The following GYS2 variants were observed in gnomAD, a reference collection of about 807,000 sequenced individuals.
GYS2 encodes the protein glycogen [starch] synthase, liver.
In GYS2, 80 loss-of-function variants were observed where a neutral mutation model predicts 85.6. The observed-to-expected ratio is 0.93, with a 90% CI of 0.78 to 1.13. The LOEUF (loss-of-function observed/expected upper bound fraction) is 1.13. Among genes scored for constraint, GYS2 ranks in the 50% most tolerant of loss-of-function variants. The pLI is 0.00. For missense variants in GYS2, 881 were observed against 854.9 expected (o/e 1.03, Z -0.38); for synonymous variants, 328 against 300.7 (o/e 1.09, Z -0.94).
chr12:21,533,103 A>G (rs1304992785), downstream of GYS2, among the ~76,000 whole-genome samples: 2 of 152,212 alleles, frequency 1.3e-5, no homozygotes, highest in African/African-American at 4.8e-5. Context: ...CAACACACAG[A>G]TACATGCACT....
At chr12:21,580,737 T>A (rs1038174124) in intron 1 of GYS2, among the ~76,000 whole-genome samples, 4 of 152,178 alleles carry the variant, frequency 2.6e-5, no homozygotes, top group African/African-American at 9.7e-5. Flanking sequence ...TGTTTTAAAG[T>A]CCCTTCTAGG....
chr12:21,590,260 C>T (rs574037586), intron 1 of GYS2, among the ~76,000 whole-genome samples: 5 of 152,192 alleles, frequency 3.3e-5, no homozygotes, highest in Admixed American at 1.3e-4. Flanking sequence ...CTATGATAGC[C>T]GGTGTCCACA....
intron 7 of GYS2, among the ~76,000 whole-genome samples, chr12:21,562,162 A>G (rs1169526773): frequency 1.3e-5 from 2 of 151,224 alleles, no homozygotes; most frequent in Non-Finnish European, 2.9e-5. Context: ...CTTCCTGAGT[A>G]AAAAAAATGA....
chr12:21,583,486 C>T (rs1350490602), intron 1 of GYS2, among the ~76,000 whole-genome samples: 1 of 152,158 alleles, frequency 6.6e-6, no homozygotes, highest in African/African-American at 2.4e-5. Context: ...AAGGCTCTGC[C>T]ACAGGTCCAG....
At chr12:21,596,423 A>G (rs1944697615) in intron 1 of GYS2, among the ~76,000 whole-genome samples, 1 of 152,092 alleles carries the variant, frequency 6.6e-6, no homozygotes. Flanking sequence ...GTTCCATGCC[A>G]GGGATGCAGG....
intron 1 of GYS2, among the ~76,000 whole-genome samples, chr12:21,595,839 T>G (rs997375349): frequency 3.3e-5 from 5 of 151,998 alleles, no homozygotes; most frequent in African/African-American, 1.2e-4. Context: ...AGCAACACAA[T>G]AATAGTGGGG....
At chr12:21,584,128 G>A (rs1278022395) in intron 1 of GYS2, among the ~76,000 whole-genome samples, 1 of 152,184 alleles carries the variant, frequency 6.6e-6, no homozygotes, top group Non-Finnish European at 1.5e-5. Context: ...AACGGTGAAG[G>A]GAAATCTTCC....
At chr12:21,558,129 A>G (rs1488914844) in intron 11 of GYS2, 71 bp downstream of exon 11, 31 of 933,488 alleles carry the variant, frequency 3.3e-5, no homozygotes, top group Non-Finnish European at 5.0e-5. Flanking sequence ...ACAACTAAGG[A>G]AAGCTAATAA....
At chr12:21,604,033 T>C (rs1386198704) in intron 1 of GYS2, among the ~76,000 whole-genome samples, 1 of 152,162 alleles carries the variant, frequency 6.6e-6, no homozygotes, top group African/African-American at 2.4e-5. Flanking sequence ...ATATGAAACA[T>C]TCTTAAGCAT....
chr12:21,554,932 G>C (rs1301284982), intron 11 of GYS2, among the ~76,000 whole-genome samples: 1 of 152,152 alleles, frequency 6.6e-6, no homozygotes, highest in African/African-American at 2.4e-5. Flanking sequence ...TCCAGCCTCA[G>C]TCTTCCCAAG....
chr12:21,580,974 T>C (rs1347881646), intron 1 of GYS2, among the ~76,000 whole-genome samples: 2 of 152,214 alleles, frequency 1.3e-5, no homozygotes, highest in African/African-American at 4.8e-5. Flanking sequence ...CTCAGGTATG[T>C]TCAAATAACA....
At chr12:21,588,238 A>G (rs1245318774) in intron 1 of GYS2, among the ~76,000 whole-genome samples, 1 of 152,208 alleles carries the variant, frequency 6.6e-6, no homozygotes, top group Non-Finnish European at 1.5e-5. Flanking sequence ...ATTTCATCAG[A>G]CTACAGGTTT....
chr12:21,588,041 TA>T (rs1944593466), intron 1 of GYS2, among the ~76,000 whole-genome samples: 1 of 152,202 alleles, frequency 6.6e-6, no homozygotes, highest in Non-Finnish European at 1.5e-5. Flanking sequence ...AATACACAAA[TA>T]ATCTGTCGAT....
At chr12:21,587,456 G>A (rs1434116270) in intron 1 of GYS2, among the ~76,000 whole-genome samples, 2 of 152,096 alleles carry the variant, frequency 1.3e-5, no homozygotes, top group Non-Finnish European at 2.9e-5. Flanking sequence ...TGCTCTTCTC[G>A]TGATAGTGAG....
Position 21,540,454 on chromosome 12 carries a change from T to A in GYS2, c.1765A>T (p.Thr589Ser). The A allele has an allele frequency of 1.2e-6, 2 of 1,614,048 alleles. No homozygotes were observed. The highest frequency in any genetic ancestry group is 1.7e-6 in the Non-Finnish European group (2 of 1,179,930). ...RRQRIIQRNR[T>S]ERLSDLLDWR... is the part of the protein sequence containing the mutation. ...TCCAGAAGATCTGAGAGCCTCTCAG[T>A]TCTGTTCCTCTGGATAATCCTTTGG... is the stretch of plus-strand genomic sequence containing the variant. The change falls in exon 14 of 16, where the codon ACT becomes TCT. Residue 589 changes from threonine to serine, a missense_variant. Thr to Ser is a moderately conservative substitution (Grantham distance 58, BLOSUM62 1). Coordinates refer to ENST00000261195, the MANE Select transcript of GYS2 (RefSeq NM_021957.4).
intron 8 of GYS2, among the ~76,000 whole-genome samples, chr12:21,559,938 A>G (rs1944231488): frequency 1.3e-5 from 2 of 152,256 alleles, no homozygotes; most frequent in South Asian, 4.1e-4. Flanking sequence ...AAGAGCTTAA[A>G]ATTTTTTTGC....
chr12:21,598,070 G>A (rs868001509), intron 1 of GYS2, among the ~76,000 whole-genome samples: 1 of 152,062 alleles, frequency 6.6e-6, no homozygotes, highest in Non-Finnish European at 1.5e-5. Flanking sequence ...GAGGAAGGGA[G>A]ACGAAGAGAA....
chr12:21,536,646 AAC>A lies in GYS2; in HGVS notation c.*306_*307del. The A allele has an allele frequency of 7.8e-6, 3 of 386,012 alleles. No homozygotes were observed. Among genetic ancestry groups the A allele is most frequent in the East Asian group, 6.0e-5 (1 of 16,794 alleles). The allele number at this position is 386,012 out of a possible 1,614,324, so 23.9% of individuals were successfully genotyped here. A position where few individuals can be genotyped will look rare whatever the true frequency, so the allele number is the denominator to read the frequency against. The stretch of plus-strand genomic sequence containing the variant: ...GGATTATGATGATCATTTAAAAATA[AAC>A]AGAGTAAGAGAAAATCCTTACCACT... On this transcript the variant is annotated 3_prime_UTR_variant, in exon 16 of 16. Transcript: ENST00000261195.
chr12:21,537,396 T>G, intron 15 of GYS2: 1 of 571,264 alleles, frequency 1.8e-6, no homozygotes, highest in South Asian at 2.1e-5. Context: ...GTGCTAAGTG[T>G]TATATACATA....
Sources: allele counts gnomAD v4.1 joint callset (sites outside exome capture counted in the v4.1 genomes callset), GRCh38; gene constraint gnomAD v4.1.1; transcripts MANE v1.5; gene names NCBI Gene and HGNC (gene_info 2026-07-23, HGNC 2026-07-21).